Variants in VAV3 observed in about 807,000 individuals in gnomAD.
VAV3 encodes the protein vav guanine nucleotide exchange factor 3.
A neutral mutation model predicts 131.2 loss-of-function variants in VAV3; 94 were observed. The observed-to-expected ratio is 0.72, with a 90% CI of 0.61 to 0.85. The LOEUF (loss-of-function observed/expected upper bound fraction) is 0.85, where lower values mean the gene tolerates loss of function less well. Among genes scored for constraint, VAV3 ranks in the 40% least tolerant of loss-of-function variants. The pLI is 0.00. For synonymous variants in VAV3, 349 were observed against 342.0 expected (o/e 1.02, Z -0.22); for missense variants, 939 against 1,002.7 (o/e 0.94, Z 0.86).
At chr1:107,775,805 A>G (rs1445482213) in intron 4 of VAV3, among the ~76,000 whole-genome samples, 1 of 152,128 alleles carries the variant, frequency 6.6e-6, no homozygotes, top group Non-Finnish European at 1.5e-5. Flanking sequence ...AGACTGAAAG[A>G]TCATTCTCAA....
intron 15 of VAV3, among the ~76,000 whole-genome samples, chr1:107,718,376 A>G (rs531140303): frequency 6.6e-6 from 1 of 152,318 alleles, no homozygotes; most frequent in East Asian, 1.9e-4. Context: ...ATACAAAATC[A>G]AGGCGCAAAA....
chr1:107,888,643 G>C (rs970392415), intron 1 of VAV3, among the ~76,000 whole-genome samples: 3 of 152,054 alleles, frequency 2.0e-5, no homozygotes, highest in Non-Finnish European at 4.4e-5. Context: ...ATTTTTAGTA[G>C]AGACAGGGTT....
chr1:107,939,901 AC>A (rs1284999624), intron 1 of VAV3, among the ~76,000 whole-genome samples: 3 of 152,084 alleles, frequency 2.0e-5, no homozygotes, highest in Non-Finnish European at 4.4e-5. Flanking sequence ...GTAAGACAGG[AC>A]AGGTAGAGAA....
At chr1:107,738,364 AAAG>A (rs1318218207) in intron 15 of VAV3, among the ~76,000 whole-genome samples, 2 of 152,236 alleles carry the variant, frequency 1.3e-5, no homozygotes, top group Non-Finnish European at 2.9e-5. Context: ...AAAAAAAAGA[AAAG>A]AAAAGAAAAT....
At chr1:107,788,119 C>T (rs1459651442) in intron 2 of VAV3, among the ~76,000 whole-genome samples, 2 of 152,124 alleles carry the variant, frequency 1.3e-5, no homozygotes, top group Non-Finnish European at 2.9e-5. Context: ...CTATTTCTTG[C>T]CTCAATTATT....
chr1:107,652,582 T>A (rs1013045071), intron 19 of VAV3, among the ~76,000 whole-genome samples: 16 of 152,140 alleles, frequency 1.1e-4, no homozygotes, highest in African/African-American at 3.9e-4. Flanking sequence ...GCAATTCACA[T>A]AGTTATCTGT....
At chr1:107,909,289 A>G (rs1394899301) in intron 1 of VAV3, among the ~76,000 whole-genome samples, 1 of 152,218 alleles carries the variant, frequency 6.6e-6, no homozygotes, top group Non-Finnish European at 1.5e-5. Context: ...AAAATGAAAT[A>G]TGAGTACCTC....
intron 15 of VAV3, among the ~76,000 whole-genome samples, chr1:107,715,761 A>G (rs950151456): frequency 4.6e-5 from 7 of 152,194 alleles, no homozygotes. Context: ...CAGCCTTTCC[A>G]TGTAAGAAAT....
intron 9 of VAV3, 68 bp downstream of exon 9, chr1:107,765,008 C>T: frequency 2.0e-6 from 2 of 1,010,392 alleles, no homozygotes; most frequent in Middle Eastern, 2.2e-4. Context: ...CTTCACTGAT[C>T]ATAAAGAGGA....
At chr1:107,723,165 C>T (rs970925476) in intron 15 of VAV3, among the ~76,000 whole-genome samples, 1 of 152,124 alleles carries the variant, frequency 6.6e-6, no homozygotes, top group Non-Finnish European at 1.5e-5. Context: ...ATAATAGAAT[C>T]TTAAAAACTG....
intron 1 of VAV3, among the ~76,000 whole-genome samples, chr1:107,948,248 C>A (rs967477445): frequency 2.0e-5 from 3 of 151,982 alleles, no homozygotes; most frequent in Admixed American, 2.0e-4. Context: ...GAAAAACATA[C>A]ATGAATGAGA....
At chr1:107,669,105 G>A in intron 19 of VAV3, 1 of 1,091,994 alleles carries the variant, frequency 9.2e-7, no homozygotes, top group Non-Finnish European at 1.1e-6. Flanking sequence ...TTATGCCGGT[G>A]TTCTTTAAAA....
chr1:107,727,175 A>G (rs1570838775), intron 15 of VAV3, among the ~76,000 whole-genome samples: 2 of 152,226 alleles, frequency 1.3e-5, no homozygotes, highest in East Asian at 3.9e-4. Context: ...TCAAGTATGG[A>G]TGAATTAAGT....
intron 2 of VAV3, among the ~76,000 whole-genome samples, chr1:107,870,605 C>G (rs1200698782): frequency 6.6e-6 from 1 of 151,974 alleles, no homozygotes; most frequent in Non-Finnish European, 1.5e-5. Flanking sequence ...TCTCTGCTGA[C>G]TGTTCATTTT....
intron 19 of VAV3, among the ~76,000 whole-genome samples, chr1:107,680,322 A>G (rs931811796): frequency 1.3e-5 from 2 of 152,142 alleles, no homozygotes; most frequent in African/African-American, 2.4e-5. Context: ...GGGAATAACA[A>G]CAAATCTGAA....
chr1:107,735,740 A>G (rs1430294524), intron 15 of VAV3, among the ~76,000 whole-genome samples: 1 of 152,228 alleles, frequency 6.6e-6, no homozygotes, highest in Non-Finnish European at 1.5e-5. Context: ...AAAAAAGTCC[A>G]AGACCAGACG....
chr1:107,829,392 G>A (rs757068425), intron 2 of VAV3, among the ~76,000 whole-genome samples: 5 of 152,086 alleles, frequency 3.3e-5, no homozygotes, highest in Non-Finnish European at 7.4e-5. Context: ...AAAATACAAA[G>A]TCATTACCAT....
intron 2 of VAV3, among the ~76,000 whole-genome samples, chr1:107,857,023 G>T (rs150504178): frequency 0.015 from 2,356 of 152,232 alleles, 48 homozygotes; most frequent in African/African-American, 0.044. Context: ...TGGATGACAT[G>T]GTGTGATGGT....
intron 2 of VAV3, among the ~76,000 whole-genome samples, chr1:107,821,372 C>T (rs1487383502): frequency 2.0e-5 from 3 of 152,114 alleles, no homozygotes; most frequent in African/African-American, 7.2e-5. Flanking sequence ...CAATTATAGA[C>T]AATAGTTCTG....
Sources: allele counts gnomAD v4.1 joint callset (sites outside exome capture counted in the v4.1 genomes callset), GRCh38; gene constraint gnomAD v4.1.1; transcripts MANE v1.5; gene names NCBI Gene and HGNC (gene_info 2026-07-23, HGNC 2026-07-21).